Variants in MYO3A observed in about 807,000 individuals in gnomAD.
MYO3A encodes myosin IIIA.
In MYO3A, 180 loss-of-function variants were observed where a neutral mutation model predicts 192.7. That is an observed-to-expected ratio of 0.93 (90% CI 0.83 to 1.06). MYO3A has a LOEUF of 1.06. Ranked by LOEUF, MYO3A falls within the 50% of genes least tolerant of loss-of-function variation. MYO3A has a pLI of 0.00. For missense variants in MYO3A, 1,896 were observed against 1,905.0 expected (o/e 1.00, Z 0.09); for synonymous variants, 628 against 645.3 (o/e 0.97, Z 0.41).
intron 23 of MYO3A, among the ~76,000 whole-genome samples, chr10:26,150,127 G>A (rs1264255764): frequency 6.6e-6 from 1 of 151,850 alleles, no homozygotes; most frequent in East Asian, 1.9e-4. Context: ...TGGCTATTAT[G>A]AACAATGCTG....
chr10:26,069,611 C>T (rs150934436), intron 12 of MYO3A, among the ~76,000 whole-genome samples: 144 of 152,056 alleles, frequency 9.5e-4, no homozygotes, highest in African/African-American at 3.4e-3. Context: ...GAGCCTTGAC[C>T]TATGTTTCAG....
At chr10:25,987,608 C>G (rs1465163903) in intron 4 of MYO3A, among the ~76,000 whole-genome samples, 1 of 152,106 alleles carries the variant, frequency 6.6e-6, no homozygotes, top group Non-Finnish European at 1.5e-5. Flanking sequence ...TGAAAAAATT[C>G]TCAACATCAC....
intron 2 of MYO3A, among the ~76,000 whole-genome samples, chr10:25,940,941 G>A (rs1024905042): frequency 5.9e-5 from 9 of 152,252 alleles, no homozygotes; most frequent in East Asian, 1.9e-4. Flanking sequence ...CTGAATTGGA[G>A]TGTTCTACCT....
At chr10:26,169,649 C>T (rs747450400) in intron 28 of MYO3A, among the ~76,000 whole-genome samples, 2 of 152,194 alleles carry the variant, frequency 1.3e-5, no homozygotes, top group Non-Finnish European at 2.9e-5. Context: ...GGCAGAGGAG[C>T]TGACTGACAT....
At chr10:25,991,804 G>A (rs1044089501) in intron 4 of MYO3A, among the ~76,000 whole-genome samples, 8 of 151,986 alleles carry the variant, frequency 5.3e-5, no homozygotes, top group African/African-American at 1.4e-4. Flanking sequence ...TGTCGGGTTT[G>A]TCAAAGATCA....
At chr10:26,068,959 A>G in intron 12 of MYO3A, 75 bp downstream of exon 12, 1 of 1,008,718 alleles carries the variant, frequency 9.9e-7, no homozygotes. Context: ...AATTTAAATG[A>G]ATGCCAGAAA....
At chr10:26,062,705 T>C (rs1834586796) in intron 10 of MYO3A, among the ~76,000 whole-genome samples, 2 of 151,980 alleles carry the variant, frequency 1.3e-5, no homozygotes, top group African/African-American at 4.8e-5. Flanking sequence ...CACCTTAGGA[T>C]GATAGAAGAT....
intron 28 of MYO3A, among the ~76,000 whole-genome samples, chr10:26,169,790 C>A (rs1841951681): frequency 6.6e-6 from 1 of 152,270 alleles, no homozygotes; most frequent in African/African-American, 2.4e-5. Context: ...GGCTCTAATC[C>A]TTTATCCACA....
chr10:25,937,897 T>C (rs143498166), intron 2 of MYO3A, among the ~76,000 whole-genome samples: 138 of 152,332 alleles, frequency 9.1e-4, no homozygotes, highest in Non-Finnish European at 1.7e-3. Context: ...TATACTGTTA[T>C]TGGAAAGCTG....
chr10:26,045,203 T>A (rs902227313), intron 10 of MYO3A, among the ~76,000 whole-genome samples: 7 of 152,222 alleles, frequency 4.6e-5, no homozygotes, highest in Non-Finnish European at 7.3e-5. Context: ...GTACCAGTGG[T>A]GTCTGGCTGA....
At chr10:26,151,554 C>T (rs1840789298) in intron 23 of MYO3A, among the ~76,000 whole-genome samples, 1 of 151,938 alleles carries the variant, frequency 6.6e-6, no homozygotes, top group Admixed American at 6.6e-5. Context: ...TATTGTTTTT[C>T]TTTATATTCA....
chr10:26,036,506 A>C (rs996226183), intron 10 of MYO3A, among the ~76,000 whole-genome samples: 1 of 152,204 alleles, frequency 6.6e-6, no homozygotes, highest in African/African-American at 2.4e-5. Flanking sequence ...AACTGCATTC[A>C]GTGAAAAAAA....
In MYO3A at chr10:26,173,724, G is replaced by C; in HGVS notation, c.3460G>C (p.Ala1154Pro). ...AISANERFIS[A>P]PNNKGSVSVV... ...CTCTGCTAATGAAAGATTCATTTCA[G>C]CTCCAAATAATAAAGGAAGTGTATC... is the stretch of plus-strand genomic sequence containing the variant. Residue 1154 changes from alanine (A) to proline (P), a missense_variant, in exon 30 of 35, where the codon GCT (alanine) becomes CCT (proline). Physicochemically the swap from Ala to Pro is conservative, Grantham distance 27. Coordinates refer to ENST00000642920, the MANE Select transcript of MYO3A (RefSeq NM_017433.5). 1 of 1,613,924 alleles carries C rather than the reference G, an allele frequency of 6.2e-7. No individual in the cohort carries two copies. The highest frequency in any genetic ancestry group is 1.1e-5 in the South Asian group (1 of 91,028).
At chr10:26,063,203 C>A (rs765350918) in intron 10 of MYO3A, among the ~76,000 whole-genome samples, 10 of 152,020 alleles carry the variant, frequency 6.6e-5, no homozygotes, top group African/African-American at 2.4e-5. Flanking sequence ...AGTGTCCTGG[C>A]AGGAAAATGA....
At chr10:26,034,460 C>T (rs761041576) in intron 10 of MYO3A, among the ~76,000 whole-genome samples, 1 of 152,112 alleles carries the variant, frequency 6.6e-6, no homozygotes, top group Non-Finnish European at 1.5e-5. Context: ...CAGTGTAAGT[C>T]GATTCTAATG....
At chr10:26,191,832 G>A (rs1028875140) in intron 31 of MYO3A, among the ~76,000 whole-genome samples, 2 of 152,148 alleles carry the variant, frequency 1.3e-5, no homozygotes, top group African/African-American at 4.8e-5. Context: ...TCATTTATTT[G>A]ATTAGTCTAG....
chr10:26,138,371 C>T (rs895254830), intron 20 of MYO3A, among the ~76,000 whole-genome samples: 3 of 152,226 alleles, frequency 2.0e-5, no homozygotes, highest in African/African-American at 7.2e-5. Context: ...ATCTTCCCAA[C>T]TAATGGTACC....
At chr10:26,117,860 T>G (rs1257713883) in intron 17 of MYO3A, among the ~76,000 whole-genome samples, 1 of 152,216 alleles carries the variant, frequency 6.6e-6, no homozygotes, top group Non-Finnish European at 1.5e-5. Context: ...ATATACCCAG[T>G]AATGGAATTG....
chr10:26,057,742 C>G (rs995932922), intron 10 of MYO3A, among the ~76,000 whole-genome samples: 2 of 152,168 alleles, frequency 1.3e-5, no homozygotes, highest in African/African-American at 2.4e-5. Flanking sequence ...ATCTATTAGT[C>G]AGTGCCCTGG....
Sources: gnomAD v4.1 joint callset for allele counts (sites outside exome capture counted in the v4.1 genomes callset) on GRCh38, gnomAD v4.1.1 for gene constraint, MANE v1.5 for transcripts, NCBI Gene and HGNC (gene_info 2026-07-23, HGNC 2026-07-21) for gene names.